Variants in HIVEP1 observed in about 807,000 individuals in gnomAD.
HIVEP1 encodes HIVEP zinc finger 1, also known as zinc finger protein 40.
Under a neutral mutation model 180.0 loss-of-function variants are expected in HIVEP1, and 36 were observed. That is an observed-to-expected ratio of 0.20 (90% confidence interval 0.15 to 0.26). The LOEUF is 0.26. HIVEP1 is among the 10% of genes least tolerant of loss of function. The pLI is 1.00. For synonymous variants in HIVEP1, 1,239 were observed against 1,239.0 expected (o/e 1.00, Z 0.00); for missense variants, 3,143 against 3,268.7 (o/e 0.96, Z 0.94).
chr6:12,016,922 C>G (rs987714514), intron 2 of HIVEP1, among the ~76,000 whole-genome samples: 1 of 152,180 alleles, frequency 6.6e-6, no homozygotes, highest in African/African-American at 2.4e-5. Context: ...CCTGCTTTAT[C>G]TGTCCAGGGA....
At chr6:12,135,692 CTG>C (rs1758665503) in intron 6 of HIVEP1, 97 bp from the exon 7 acceptor site, 2 of 743,568 alleles carry the variant, frequency 2.7e-6, no homozygotes, top group Non-Finnish European at 4.7e-6. Context: ...CGACCACAAT[CTG>C]TACTTTTGCT....
the HIVEP1 span, among the ~76,000 whole-genome samples, chr6:12,189,785 G>C: frequency 9.2e-5 from 14 of 152,096 alleles, no homozygotes; most frequent in African/African-American, 3.4e-4. Flanking sequence ...TATTCTTATT[G>C]ACATATTCAC....
chr6:12,081,786 A>T (rs559979131), intron 2 of HIVEP1, among the ~76,000 whole-genome samples: 2 of 151,996 alleles, frequency 1.3e-5, no homozygotes, highest in Admixed American at 6.6e-5. Context: ...GTTCACTCTC[A>T]TTTTAAGCTC....
At chr6:12,196,736 A>G in the HIVEP1 span, among the ~76,000 whole-genome samples, 2 of 152,166 alleles carry the variant, frequency 1.3e-5, no homozygotes, top group African/African-American at 2.4e-5. Context: ...TTCATCCGCC[A>G]TCCCCATGTT....
At chr6:12,045,543 G>A (rs1581569726) in intron 2 of HIVEP1, among the ~76,000 whole-genome samples, 2 of 152,372 alleles carry the variant, frequency 1.3e-5, no homozygotes, top group East Asian at 3.9e-4. Flanking sequence ...TCCTGGGATT[G>A]TGCAGTGAGC....
the HIVEP1 span, among the ~76,000 whole-genome samples, chr6:12,175,764 C>G: frequency 1.3e-5 from 2 of 152,206 alleles, no homozygotes; most frequent in African/African-American, 4.8e-5. Flanking sequence ...TGGAGTCTTT[C>G]TGTGCATTCA....
chr6:12,041,868 C>G (rs1460335760), intron 2 of HIVEP1, among the ~76,000 whole-genome samples: 3 of 151,958 alleles, frequency 2.0e-5, no homozygotes, highest in African/African-American at 4.8e-5. Context: ...ACCGTGTTAG[C>G]TAGGATGGTC....
intron 2 of HIVEP1, among the ~76,000 whole-genome samples, chr6:12,057,877 A>G (rs1037734808): frequency 6.6e-6 from 1 of 152,236 alleles, no homozygotes; most frequent in Non-Finnish European, 1.5e-5. Flanking sequence ...AATAGTGTGC[A>G]TCATTTTGGG....
At chr6:12,032,201 C>T (rs994923580) in intron 2 of HIVEP1, among the ~76,000 whole-genome samples, 3 of 140,900 alleles carry the variant, frequency 2.1e-5, no homozygotes, top group Admixed American at 1.5e-4. Context: ...AGTGTAGTGG[C>T]GCGATTTCGG....
chr6:12,116,547 T>TA (rs961386321), intron 3 of HIVEP1, among the ~76,000 whole-genome samples: 26 of 145,416 alleles, frequency 1.8e-4, no homozygotes, highest in South Asian at 1.1e-3. Flanking sequence ...CTCCTTACAA[T>TA]AAAAAAAAAA....
the HIVEP1 span, among the ~76,000 whole-genome samples, chr6:12,170,899 T>C: frequency 6.6e-6 from 1 of 152,082 alleles, no homozygotes; most frequent in Non-Finnish European, 1.5e-5. Context: ...GTGGAAGCAA[T>C]CACGAGTGAC....
chr6:12,110,121 C>G (rs536542740), intron 3 of HIVEP1, among the ~76,000 whole-genome samples: 78 of 152,336 alleles, frequency 5.1e-4, no homozygotes, highest in African/African-American at 1.9e-3. Flanking sequence ...GTAAACCATG[C>G]TATAAACAGA....
intron 2 of HIVEP1, among the ~76,000 whole-genome samples, chr6:12,027,482 T>C (rs1385342227): frequency 1.3e-5 from 2 of 152,242 alleles, no homozygotes; most frequent in African/African-American, 4.8e-5. Flanking sequence ...GATTAGATTG[T>C]TAGGGAGCCA....
intron 3 of HIVEP1, among the ~76,000 whole-genome samples, chr6:12,115,113 T>C (rs1030488587): frequency 1.3e-5 from 2 of 152,226 alleles, no homozygotes; most frequent in African/African-American, 4.8e-5. Context: ...GAATATGCTT[T>C]ACCACACTTT....
chr6:12,015,475 T>G, intron 1 of HIVEP1, 51 bp from the exon 2 acceptor site: 2 of 636,472 alleles, frequency 3.1e-6, no homozygotes, highest in Non-Finnish European at 5.5e-6. Context: ...TTAAAGTATC[T>G]TTCTCCTCTG....
downstream of HIVEP1, among the ~76,000 whole-genome samples, chr6:12,167,760 T>TAC (rs1302932712): frequency 7.0e-6 from 1 of 142,522 alleles, no homozygotes; most frequent in Non-Finnish European, 1.5e-5. Flanking sequence ...GTATAATATA[T>TAC]ACATGTACAT....
intron 2 of HIVEP1, among the ~76,000 whole-genome samples, chr6:12,032,092 A>G (rs932329466): frequency 4.0e-5 from 6 of 151,686 alleles, no homozygotes; most frequent in Non-Finnish European, 8.8e-5. Flanking sequence ...GGCATTCTGC[A>G]TATTTAAAAT....
intron 2 of HIVEP1, among the ~76,000 whole-genome samples, chr6:12,021,615 T>C (rs778470506): frequency 1.1e-4 from 17 of 152,318 alleles, no homozygotes; most frequent in Middle Eastern, 3.4e-3. Context: ...TATAATATGT[T>C]AGAAGAGACC....
rs1477365160 is a variant in HIVEP1, at chr6:12,123,991, C to T, written c.4196C>T (p.Thr1399Ile). Residue 1399 changes from threonine to isoleucine, a missense_variant, in exon 4 of 9, where the codon ACA (threonine) becomes ATA (isoleucine). By Grantham distance (89) the Thr-to-Ile change is moderately conservative. Around this residue, in one of 12 missense-constraint regions of HIVEP1, gnomAD observed 1,357 missense variants for 1,260.5 expected, o/e 1.08. Coordinates refer to ENST00000379388, the MANE Select transcript of HIVEP1 (RefSeq NM_002114.4). ...GGAAGCATCACCCCACCCCAGACAA[C>T]ACCACTTACTGAATTGCAGCCTCCA... ...DCGSITPPQT[T>I]PLTELQPPSS... 1.2e-6 allele frequency: 2 copies of T among 1,614,134 alleles called. No individual in the cohort carries two copies. The highest frequency in any genetic ancestry group is 1.1e-5 in the South Asian group (1 of 91,062).
Sources: allele counts gnomAD v4.1 joint callset (sites outside exome capture counted in the v4.1 genomes callset), GRCh38; gene constraint gnomAD v4.1.1; regional missense constraint gnomAD v4.1.1; transcripts MANE v1.5; gene names NCBI Gene and HGNC (gene_info 2026-07-23, HGNC 2026-07-21).